The following SLC6A3 variants were observed in gnomAD, a reference collection of about 807,000 sequenced individuals.
SLC6A3 encodes solute carrier family 6 member 3.
A neutral mutation model predicts 70.4 loss-of-function variants in SLC6A3; 19 were observed. The ratio of observed to expected loss-of-function variants is 0.27; its 90% CI spans 0.19 to 0.40. The LOEUF is 0.40. Ranked by LOEUF, SLC6A3 falls within the 10% of genes least tolerant of loss-of-function variation. The pLI is 1.00. For missense variants in SLC6A3, 613 were observed against 838.5 expected (o/e 0.73, Z 3.32); for synonymous variants, 368 against 356.6 (o/e 1.03, Z -0.36).
In SLC6A3 at chr5:1,430,412, G is replaced by A. The variant is rs533962439; in HGVS notation, c.653+2052C>T. On this transcript the variant is annotated intron_variant, in intron 4 of 14. Coordinates refer to ENST00000270349, the MANE Select transcript of SLC6A3 (RefSeq NM_001044.5). ...GCTCCTCACCTCCAAGGCCAGTCCC[G>A]GCAATATGCTTCCATGCCCGAGGAG... 1.5e-4 allele frequency among the ~76,000 whole-genome samples: 23 copies of A among 152,290 alleles called. No individual in the cohort carries two copies. The South Asian group carries it at 3.1e-3, about 21-fold the overall frequency.
Position 1,432,446 on chromosome 5 carries a change from G to A in SLC6A3, c.653+18C>T, listed in dbSNP as rs758572876. 2 of 1,591,922 alleles carry A rather than the reference G, an allele frequency of 1.3e-6. No individual in the cohort carries two copies. The highest frequency in any genetic ancestry group is 2.2e-5 in the South Asian group (2 of 90,620). On this transcript the variant is annotated intron_variant, in intron 4 of 14. Transcript: ENST00000270349. The stretch of plus-strand genomic sequence containing the variant: ...CTGCGCCATCTCTCCCGTTCCCGAG[G>A]ACCCGACTCCCACTTACTCAAAGTA...
chr5:1,409,636 G>A, intron 10 of SLC6A3, 85 bp downstream of exon 10: 1 of 1,524,532 alleles, frequency 6.6e-7, no homozygotes, highest in Non-Finnish European at 9.1e-7. Flanking sequence ...GGTTCTGTCT[G>A]GCCTGACAGT....
rs1333439904 is a variant in SLC6A3, at chr5:1,406,949, A to C, written c.1499-661T>G. ...TGTAGAGTGTCCCTGAGGCCACCTA[A>C]GCTGCGGCCCACATCAGCATTCCCT... On this transcript the variant is annotated intron_variant, in intron 11 of 14. Transcript: ENST00000270349. This position sits in a 1 kb window ranked among gnomAD's most constrained non-coding sequence, Gnocchi z 8.8. Among the ~76,000 whole-genome samples, 1 of 152,340 alleles carries C rather than the reference A, an allele frequency of 6.6e-6. No homozygotes were observed. Among genetic ancestry groups the C allele is most frequent in the East Asian group, 1.9e-4 (1 of 5,176 alleles).
rs1755724762 is a variant in SLC6A3 at position 1,396,554 on chromosome 5, G to A, written c.1840-1796C>T. Among the ~76,000 whole-genome samples, 1 of 152,250 alleles carries A rather than the reference G, an allele frequency of 6.6e-6. No individual in the cohort carries two copies. Among genetic ancestry groups the A allele is most frequent in the Non-Finnish European group, 1.5e-5 (1 of 68,046 alleles). ...GGAGGTGGCTGCAGTTTGCAGGCCA[G>A]AGCGCCAGAGAGGAGGTGGCCACAC... is the stretch of plus-strand genomic sequence containing the variant. On this transcript the variant is annotated intron_variant, in intron 14 of 14. Transcript: ENST00000270349. This position sits in a 1 kb window ranked among gnomAD's most constrained non-coding sequence, Gnocchi z 7.0.
intron 3 of SLC6A3, among the ~76,000 whole-genome samples, chr5:1,433,902 C>T (rs978272002): frequency 1.5e-4 from 23 of 152,202 alleles, no homozygotes; most frequent in African/African-American, 5.1e-4. Flanking sequence ...CGGCCATCCA[C>T]AACAATCCAT....
At chr5:1,420,125 C>T (rs562529241) in intron 6 of SLC6A3, among the ~76,000 whole-genome samples, 2 of 152,214 alleles carry the variant, frequency 1.3e-5, no homozygotes, top group Non-Finnish European at 2.9e-5. Context: ...CCACCTCCCC[C>T]ACTTAGTCCA....
At position 1,402,643 on chromosome 5, in the gene SLC6A3, C is replaced by T. The variant is rs570213553; in HGVS notation, c.1767+279G>A. Among the ~76,000 whole-genome samples the T allele has an allele frequency of 5.3e-5, 8 of 152,318 alleles. No homozygotes were observed. The highest frequency in any genetic ancestry group is 1.9e-4 in the African/African-American group (8 of 41,570). ...GAGATACAGTGGATGTACACACAGG[C>T]ACAAGCACACACAGACACATGCACA... On this transcript the variant is annotated intron_variant, in intron 13 of 14. Coordinates refer to ENST00000270349, the MANE Select transcript of SLC6A3 (RefSeq NM_001044.5). The surrounding 1 kb of genome is among the most constrained non-coding windows in gnomAD (Gnocchi z 8.5).
chr5:1,439,236 C>T (rs1445399292), intron 3 of SLC6A3, among the ~76,000 whole-genome samples: 1 of 150,124 alleles, frequency 6.7e-6, no homozygotes, highest in Non-Finnish European at 1.5e-5. Flanking sequence ...TACGGTTTGA[C>T]TTCTACCTGC....
At position 1,394,601 on chromosome 5, in the gene SLC6A3, T is replaced by G; in HGVS notation, c.*134A>C. 1.1e-6 allele frequency: 1 copy of G among 891,242 alleles called. No individual in the cohort carries two copies. The highest frequency in any genetic ancestry group is 1.9e-6 in the Non-Finnish European group (1 of 525,580). 55.2% of individuals were successfully genotyped at this position (891,242 alleles called of 1,614,324 possible). On this transcript the variant is annotated 3_prime_UTR_variant, in exon 15 of 15. Transcript: ENST00000270349. The surrounding 1 kb of genome is among the most constrained non-coding windows in gnomAD (Gnocchi z 4.7). ...CAGTCAGAAGAGAGGAGTCTTCTGC[T>G]TTGTTGTTTGTGTTTTCAGTAGAGG...
At chr5:1,429,356 G>A (rs1317745884) in intron 4 of SLC6A3, among the ~76,000 whole-genome samples, 1 of 152,182 alleles carries the variant, frequency 6.6e-6, no homozygotes, top group Non-Finnish European at 1.5e-5. Flanking sequence ...AACTCCCCAC[G>A]TCTGCTCTTG....
At chr5:1,414,614 A>G in intron 8 of SLC6A3, 77 bp downstream of exon 8, 1 of 1,544,528 alleles carries the variant, frequency 6.5e-7, no homozygotes, top group Non-Finnish European at 8.8e-7. Flanking sequence ...TTCCTCTTTC[A>G]CAAGGAAAAA....
At chr5:1,435,051 T>C (rs1018757642) in intron 3 of SLC6A3, among the ~76,000 whole-genome samples, 13 of 152,232 alleles carry the variant, frequency 8.5e-5, no homozygotes, top group African/African-American at 1.2e-4. Context: ...TGGATTGCCT[T>C]TGAAAAGCCT....
chr5:1,440,967 T>C (rs1733641269), intron 3 of SLC6A3, among the ~76,000 whole-genome samples: 1 of 152,172 alleles, frequency 6.6e-6, no homozygotes, highest in Non-Finnish European at 1.5e-5. Flanking sequence ...GATAGGTAGA[T>C]AGATGGGTGA....
At position 1,404,647 on chromosome 5, in the gene SLC6A3, T is replaced by A. The variant is rs1022043098; in HGVS notation, c.1599+1541A>T. Among the ~76,000 whole-genome samples, 2 of 152,234 alleles carry A rather than the reference T, an allele frequency of 1.3e-5. No individual in the cohort carries two copies. Among genetic ancestry groups the A allele is most frequent in the Non-Finnish European group, 2.9e-5 (2 of 68,046 alleles). ...TAGCACACGCCAGAGGGCAGGGGACTATGCCGCAGCCTGAAGAAACAGATG... is the reference window on the plus strand; with the variant it reads ...TAGCACACGCCAGAGGGCAGGGGACAATGCCGCAGCCTGAAGAAACAGATG... On this transcript the variant is annotated intron_variant, in intron 12 of 14. Coordinates refer to ENST00000270349, the MANE Select transcript of SLC6A3 (RefSeq NM_001044.5). The surrounding 1 kb of genome is among the most constrained non-coding windows in gnomAD (Gnocchi z 5.2).
Position 1,436,994 on chromosome 5 carries a change from G to A in SLC6A3, c.419-4296C>T, listed in dbSNP as rs1176212548. 2.6e-5 allele frequency among the ~76,000 whole-genome samples: 4 copies of A among 152,220 alleles called. No homozygotes were observed. The East Asian group carries it at 7.7e-4, about 29-fold the overall frequency. ...GGGCCGGGCACGGTGGCTCACTCCT[G>A]TAATCCCAGCACTTTGGGAGGCCAA... On this transcript the variant is annotated intron_variant, in intron 3 of 14. Coordinates refer to ENST00000270349, the MANE Select transcript of SLC6A3 (RefSeq NM_001044.5). This position sits in a 1 kb window ranked among gnomAD's most constrained non-coding sequence, Gnocchi z 5.2.
chr5:1,432,436 C>A (rs8179025), intron 4 of SLC6A3, 28 bp downstream of exon 4: 1 of 1,562,440 alleles, frequency 6.4e-7, no homozygotes, highest in East Asian at 2.2e-5. Flanking sequence ...CCATCTCTCC[C>A]GTTCCCGAGG....
Position 1,394,201 on chromosome 5 carries a change from G to A in SLC6A3, c.*534C>T, listed in dbSNP as rs1034329089. The A allele has an allele frequency of 2.8e-5, 5 of 181,714 alleles. No individual in the cohort carries two copies. The highest frequency in any genetic ancestry group is 2.6e-4 in the South Asian group (2 of 7,776). The allele number at this position is 181,714 out of a possible 1,614,324, so 11.3% of individuals were successfully genotyped here. A position where few individuals can be genotyped will look rare whatever the true frequency, so the allele number is the denominator to read the frequency against. On this transcript the variant is annotated 3_prime_UTR_variant, in exon 15 of 15. Coordinates refer to ENST00000270349, the MANE Select transcript of SLC6A3 (RefSeq NM_001044.5). This position sits in a 1 kb window ranked among gnomAD's most constrained non-coding sequence, Gnocchi z 4.7. ...ATTTACGGCCTCTGCTGGGAGCCAC[G>A]CATCGGGAAAGGACTTTGCATGAAT...
In SLC6A3 at chr5:1,438,391, C is replaced by A. The variant is rs1468179444; in HGVS notation, c.418+2968G>T. ...ACAGAGGAGACGACTGCCCAGCTTA[C>A]CCCGGCTGCGCATTGTGGAGAACAC... is the stretch of plus-strand genomic sequence containing the variant. On this transcript the variant is annotated intron_variant, in intron 3 of 14. Transcript: ENST00000270349. This position sits in a 1 kb window ranked among gnomAD's most constrained non-coding sequence, Gnocchi z 6.5. Among the ~76,000 whole-genome samples, 2 of 152,200 alleles carry A rather than the reference C, an allele frequency of 1.3e-5. No homozygotes were observed. The highest frequency in any genetic ancestry group is 3.9e-4 in the East Asian group (2 of 5,188).
chr5:1,409,260 A>G, intron 10 of SLC6A3, 135 bp from the exon 11 acceptor site: 1 of 728,968 alleles, frequency 1.4e-6, no homozygotes, highest in Non-Finnish European at 2.5e-6. Flanking sequence ...TTCAACCCAC[A>G]TGCAGCTTCT....
Sources: gnomAD v4.1 joint callset for allele counts (sites outside exome capture counted in the v4.1 genomes callset) on GRCh38, gnomAD v4.1.1 for gene constraint, Gnocchi (gnomAD v3.1) non-coding constraint, MANE v1.5 for transcripts, NCBI Gene and HGNC (gene_info 2026-07-23, HGNC 2026-07-21) for gene names.